Variants in CGGBP1 observed in about 807,000 individuals in gnomAD.
CGGBP1 encodes the protein CGG triplet repeat-binding protein 1.
In CGGBP1, 4 loss-of-function variants were observed where a neutral mutation model predicts 11.4. That is an observed-to-expected ratio of 0.35 (90% confidence interval 0.17 to 0.80). The LOEUF is 0.80. Among genes scored for constraint, CGGBP1 ranks in the 30% least tolerant of loss-of-function variants. CGGBP1 has a pLI of 0.52. For missense variants in CGGBP1, 135 were observed against 202.1 expected, an observed-to-expected ratio of 0.67 and a Z score of 2.01; for synonymous variants, 76 against 74.1, an observed-to-expected ratio of 1.03 and a Z score of -0.13.
chr3:88,124,621 T>C (rs1705975108), intron 2 of CGGBP1, among the ~76,000 whole-genome samples: 1 of 152,238 alleles, frequency 6.6e-6, no homozygotes, highest in Non-Finnish European at 1.5e-5. Context: ...TAGCCTTGAT[T>C]CATCTAATAA....
intron 2 of CGGBP1, among the ~76,000 whole-genome samples, chr3:88,088,819 T>G (rs2107671203): frequency 6.6e-6 from 1 of 151,998 alleles, no homozygotes; most frequent in African/African-American, 2.4e-5. Flanking sequence ...GTCGCCTAGG[T>G]TGGAGTACAG....
intron 2 of CGGBP1, among the ~76,000 whole-genome samples, chr3:88,100,799 G>A (rs1247644184): frequency 1.3e-5 from 2 of 152,102 alleles, no homozygotes. Context: ...ATCACACAGC[G>A]GGGCCTGTCA....
chr3:88,081,730 CA>C (rs981581215), intron 2 of CGGBP1, among the ~76,000 whole-genome samples: 2 of 152,180 alleles, frequency 1.3e-5, no homozygotes, highest in African/African-American at 4.8e-5. Flanking sequence ...GGCACCACAA[CA>C]AGTTCCAGGC....
At chr3:88,129,064 A>C in intron 2 of CGGBP1, 1 of 1,356,312 alleles carries the variant, frequency 7.4e-7, no homozygotes, top group Non-Finnish European at 9.8e-7. Flanking sequence ...ACCAAAAAAA[A>C]ACCAAAAAAA....
intron 2 of CGGBP1, chr3:88,095,604 A>G: frequency 1.9e-6 from 1 of 520,538 alleles, no homozygotes; most frequent in South Asian, 1.4e-5. Context: ...TGCCCCAATG[A>G]TCTTTTCTGG....
At position 88,111,269 on chromosome 3, in the gene CGGBP1, C is replaced by T. The variant is rs571223609; in HGVS notation, c.-229+29701G>A. The stretch of plus-strand genomic sequence containing the variant: ...TGAAAAATTACAAAACGATTAATAA[C>T]GAAAAATAATTCTCCCTTTCATTTC... On this transcript the variant is annotated intron_variant, in intron 2 of 3. Coordinates refer to the CGGBP1 transcript ENST00000462901. Among the ~76,000 whole-genome samples, 54 of 151,984 alleles carry T rather than the reference C, an allele frequency of 3.6e-4. 1 individual carries two copies. Among genetic ancestry groups the T allele is most frequent in the Middle Eastern group, 6.8e-3 (2 of 294 alleles).
intron 2 of CGGBP1, among the ~76,000 whole-genome samples, chr3:88,119,179 T>TA (rs1705601775): frequency 6.8e-6 from 1 of 147,770 alleles, no homozygotes; most frequent in Non-Finnish European, 1.5e-5. Context: ...ATGTGGCACA[T>TA]ACACACCATG....
At position 88,052,130 on chromosome 3, in the gene CGGBP1, G is replaced by C. The variant is rs1386268078; in HGVS notation, c.*3343C>G. 6.6e-6 allele frequency: 1 copy of C among 152,562 alleles called. No homozygotes were observed. The highest frequency in any genetic ancestry group is 1.5e-5 in the Non-Finnish European group (1 of 68,012). The allele number at this position is 152,562 out of a possible 1,614,324, so 9.5% of individuals were successfully genotyped here. On this transcript the variant is annotated 3_prime_UTR_variant, in exon 4 of 4. Coordinates refer to ENST00000482016, the MANE Select transcript of CGGBP1 (RefSeq NM_001008390.2). ...AAAAATAAGCACAGAATACAAAAAT[G>C]AAATAGTAAAATTTTAATACAGTAT...
chr3:88,090,535 A>G (rs1708576627), intron 2 of CGGBP1, among the ~76,000 whole-genome samples: 1 of 151,210 alleles, frequency 6.6e-6, no homozygotes, highest in Admixed American at 6.6e-5. Context: ...AAAAGTTTAT[A>G]AAGGTTATAA....
At position 88,139,573 on chromosome 3, in the gene CGGBP1, G is replaced by C. The variant is rs777410544; in HGVS notation, c.-229+1397C>G. The C allele has an allele frequency of 5.0e-5, 81 of 1,613,654 alleles. No individual in the cohort carries two copies. In the South Asian group the frequency reaches 6.4e-4, roughly 13 times the overall value. On this transcript the variant is annotated intron_variant, in intron 2 of 3. Coordinates refer to the CGGBP1 transcript ENST00000462901. The stretch of plus-strand genomic sequence containing the variant: ...TCATTTGAAAATGGGAATTCTGATA[G>C]TAAGGATTTGGAAGTGGAGACACTT...
intron 2 of CGGBP1, among the ~76,000 whole-genome samples, chr3:88,123,551 C>T (rs1323991690): frequency 2.0e-5 from 3 of 152,094 alleles, no homozygotes; most frequent in Non-Finnish European, 2.9e-5. Flanking sequence ...GGGCTTTCCC[C>T]TAGAAATTCT....
At chr3:88,063,748 T>TA (rs1468088862), upstream of CGGBP1, among the ~76,000 whole-genome samples, 2 of 152,166 alleles carry the variant, frequency 1.3e-5, no homozygotes, top group Admixed American at 6.5e-5. Flanking sequence ...ATTTATTATG[T>TA]AAAAAAATCT....
intron 2 of CGGBP1, among the ~76,000 whole-genome samples, chr3:88,104,389 A>G (rs1312810897): frequency 1.3e-5 from 2 of 152,186 alleles, no homozygotes; most frequent in African/African-American, 4.8e-5. Flanking sequence ...CTCTGTAACT[A>G]CTCAGCTTTG....
At chr3:88,077,493 C>T (rs1302345743) in intron 2 of CGGBP1, among the ~76,000 whole-genome samples, 6 of 99,020 alleles carry the variant, frequency 6.1e-5, no homozygotes, top group Middle Eastern at 4.5e-3. Context: ...CCACCACGCC[C>T]GGCTAATTTT....
At chr3:88,138,611 C>T in intron 2 of CGGBP1, 1 of 714,792 alleles carries the variant, frequency 1.4e-6, no homozygotes, top group Non-Finnish European at 1.9e-6. Context: ...GTTTATTCAG[C>T]TTTCATTTTA....
intron 2 of CGGBP1, among the ~76,000 whole-genome samples, chr3:88,130,987 AG>A (rs1706424076): frequency 6.6e-6 from 1 of 152,178 alleles, no homozygotes; most frequent in Non-Finnish European, 1.5e-5. Flanking sequence ...CTTTATATAC[AG>A]TTATGCAGCA....
At chr3:88,072,204 C>G (rs1707554456) in intron 2 of CGGBP1, among the ~76,000 whole-genome samples, 1 of 152,128 alleles carries the variant, frequency 6.6e-6, no homozygotes, top group African/African-American at 2.4e-5. Flanking sequence ...GCATATCTAA[C>G]TATTATTTCT....
chr3:88,091,692 G>T (rs192318161), intron 2 of CGGBP1, among the ~76,000 whole-genome samples: 6 of 152,200 alleles, frequency 3.9e-5, no homozygotes, highest in Admixed American at 3.3e-4. Context: ...TCATGGGGTC[G>T]GGTTTTTCCT....
chr3:88,140,997 C>T, exon 2 of CGGBP1: 1 of 1,611,918 alleles, frequency 6.2e-7, no homozygotes, highest in Non-Finnish European at 8.5e-7. Flanking sequence ...TGAGGCTCAT[C>T]TTGCACAAAA....
Sources: gnomAD v4.1 joint callset for allele counts (sites outside exome capture counted in the v4.1 genomes callset) on GRCh38, gnomAD v4.1.1 for gene constraint, MANE v1.5 for transcripts, NCBI Gene and HGNC (gene_info 2026-07-23, HGNC 2026-07-21) for gene names.